TBXAS1: variants seen among roughly 807,000 people sequenced by gnomAD.
TBXAS1 encodes the protein thromboxane A synthase 1, also known as thromboxane-A synthase.
In TBXAS1, 48 loss-of-function variants were observed where a neutral mutation model predicts 60.7. The ratio of observed to expected loss-of-function variants is 0.79; its 90% CI spans 0.63 to 1.01. The LOEUF (loss-of-function observed/expected upper bound fraction) is 1.01, where lower values mean the gene tolerates loss of function less well. Ranked by LOEUF, TBXAS1 falls within the 50% of genes least tolerant of loss-of-function variation. TBXAS1 has a pLI of 0.00. For missense variants in TBXAS1, 685 were observed against 686.3 expected (o/e 1.00, Z 0.02); for synonymous variants, 287 against 269.7 (o/e 1.06, Z -0.63).
At chr7:139,953,635 ATG>A (rs1244005904) in intron 6 of TBXAS1, 179 bp downstream of exon 6, 1 of 621,994 alleles carries the variant, frequency 1.6e-6, no homozygotes, top group Non-Finnish European at 2.8e-6. Flanking sequence ...TGGGAAAGAG[ATG>A]TGAGCAGAGC....
intron 12 of TBXAS1, among the ~76,000 whole-genome samples, chr7:140,019,206 C>CT (rs1434552867): frequency 6.6e-6 from 1 of 152,200 alleles, no homozygotes; most frequent in Non-Finnish European, 1.5e-5. Flanking sequence ...GACATAGAGT[C>CT]TGAGATACTG....
intron 3 of TBXAS1, among the ~76,000 whole-genome samples, chr7:139,892,584 C>A (rs554643459): frequency 3.9e-5 from 6 of 152,136 alleles, no homozygotes; most frequent in Non-Finnish European, 5.9e-5. Context: ...CAGAGTGAGA[C>A]TCTGTCTCAG....
At chr7:139,866,427 T>A (rs145935982) in intron 1 of TBXAS1, among the ~76,000 whole-genome samples, 35 of 152,068 alleles carry the variant, frequency 2.3e-4, no homozygotes, top group Admixed American at 6.5e-4. Context: ...TTCCTTATGT[T>A]AAATGAAAAA....
At chr7:139,812,665 T>C (rs1310993639) in intron 4 of TBXAS1, among the ~76,000 whole-genome samples, 5 of 152,132 alleles carry the variant, frequency 3.3e-5, no homozygotes, top group African/African-American at 1.2e-4. Context: ...TATCCCCAGT[T>C]TTTGGGGAAA....
At chr7:139,791,219 C>T (rs1200759971) in intron 4 of TBXAS1, among the ~76,000 whole-genome samples, 5 of 152,204 alleles carry the variant, frequency 3.3e-5, no homozygotes, top group Non-Finnish European at 5.9e-5. Flanking sequence ...TAAATGCTAA[C>T]GGTAGCCTAA....
intron 9 of TBXAS1, among the ~76,000 whole-genome samples, chr7:139,990,843 CAG>C (rs1406573750): frequency 6.6e-6 from 1 of 152,180 alleles, no homozygotes; most frequent in Non-Finnish European, 1.5e-5. Flanking sequence ...CCTCCTGTGG[CAG>C]AGTCACCTGT....
chr7:139,985,062 T>C (rs952768116), intron 9 of TBXAS1, among the ~76,000 whole-genome samples: 7 of 152,250 alleles, frequency 4.6e-5, no homozygotes, highest in Non-Finnish European at 1.0e-4. Flanking sequence ...AGGATTCTGC[T>C]GGAGATCATT....
At chr7:139,941,897 C>T (rs1808321091) in intron 5 of TBXAS1, among the ~76,000 whole-genome samples, 2 of 152,218 alleles carry the variant, frequency 1.3e-5, no homozygotes, top group African/African-American at 4.8e-5. Context: ...ATGTGATCCC[C>T]TGGGGACCCA....
intron 1 of TBXAS1, among the ~76,000 whole-genome samples, chr7:139,848,779 A>G (rs1347215714): frequency 6.6e-6 from 1 of 152,210 alleles, no homozygotes; most frequent in African/African-American, 2.4e-5. Context: ...TTAATGGGGC[A>G]GGGAAGAAGA....
At chr7:139,847,379 C>T (rs1042341117) in intron 1 of TBXAS1, among the ~76,000 whole-genome samples, 4 of 152,160 alleles carry the variant, frequency 2.6e-5, no homozygotes, top group Admixed American at 1.3e-4. Context: ...ACTCTATTCT[C>T]GCCTGTTGAC....
intron 8 of TBXAS1, among the ~76,000 whole-genome samples, chr7:139,958,692 G>A (rs531837685): frequency 2.6e-5 from 4 of 152,348 alleles, no homozygotes; most frequent in East Asian, 3.9e-4. Flanking sequence ...GGCAGCAGCC[G>A]CGTCCTGTGC....
intron 9 of TBXAS1, among the ~76,000 whole-genome samples, chr7:140,001,938 A>G (rs1024393522): frequency 2.6e-5 from 4 of 152,070 alleles, no homozygotes; most frequent in African/African-American, 9.7e-5. Context: ...CCTGATCCCA[A>G]ATGTGGGAGA....
intron 9 of TBXAS1, among the ~76,000 whole-genome samples, chr7:139,976,466 A>T (rs1399513209): frequency 2.6e-5 from 4 of 152,234 alleles, no homozygotes; most frequent in Non-Finnish European, 5.9e-5. Context: ...TTGAATGGGG[A>T]ATCAACTCAG....
intron 3 of TBXAS1, among the ~76,000 whole-genome samples, chr7:139,908,552 A>T (rs1429118391): frequency 6.6e-6 from 1 of 152,150 alleles, no homozygotes; most frequent in Non-Finnish European, 1.5e-5. Context: ...TATGAGTATG[A>T]ATGCCTTACC....
chr7:139,969,252 ACTT>A (rs1811015249), intron 9 of TBXAS1, among the ~76,000 whole-genome samples: 1 of 152,172 alleles, frequency 6.6e-6, no homozygotes, highest in Non-Finnish European at 1.5e-5. Flanking sequence ...AATTCTTAAA[ACTT>A]CTCTTGAAGA....
At chr7:139,983,749 T>C (rs1812128008) in intron 9 of TBXAS1, among the ~76,000 whole-genome samples, 2 of 152,196 alleles carry the variant, frequency 1.3e-5, no homozygotes, top group African/African-American at 4.8e-5. Context: ...TTTCTAGTTG[T>C]CATAAACAAA....
intron 1 of TBXAS1, among the ~76,000 whole-genome samples, chr7:139,830,670 G>T (rs1339586478): frequency 2.0e-5 from 3 of 151,716 alleles, no homozygotes; most frequent in Non-Finnish European, 4.4e-5. Flanking sequence ...GTGTTTTTAT[G>T]CTCCGGGAAG....
intron 9 of TBXAS1, among the ~76,000 whole-genome samples, chr7:139,990,798 C>T (rs555574684): frequency 6.3e-4 from 96 of 151,992 alleles, no homozygotes; most frequent in Non-Finnish European, 9.7e-4. Context: ...CTGCAAAAAC[C>T]CCTCCAACCA....
chr7:139,856,207 T>C (rs900032675), intron 1 of TBXAS1, among the ~76,000 whole-genome samples: 10 of 152,222 alleles, frequency 6.6e-5, no homozygotes, highest in Admixed American at 5.9e-4. Context: ...TACAGGGTTG[T>C]GGCTTCAACC....
Sources: allele counts gnomAD v4.1 joint callset (sites outside exome capture counted in the v4.1 genomes callset), GRCh38; gene constraint gnomAD v4.1.1; transcripts MANE v1.5; gene names NCBI Gene and HGNC (gene_info 2026-07-23, HGNC 2026-07-21).